The following LARGE1 variants were observed in gnomAD, a reference collection of about 807,000 sequenced individuals.
LARGE1 encodes xylosyl- and glucuronyltransferase LARGE1.
In LARGE1, 43 loss-of-function variants were observed where a neutral mutation model predicts 87.6. The ratio of observed to expected loss-of-function variants is 0.49; its 90% CI spans 0.38 to 0.63. LARGE1 has a LOEUF of 0.63. Ranked by LOEUF, LARGE1 falls within the 30% of genes least tolerant of loss-of-function variation. The pLI, the probability that LARGE1 is intolerant of heterozygous loss-of-function variation, is 0.00. For missense variants in LARGE1, 802 were observed against 1,000.2 expected, an observed-to-expected ratio of 0.80 and a Z score of 2.67; for synonymous variants, 434 against 394.6, an observed-to-expected ratio of 1.10 and a Z score of -1.18.
chr22:33,070,249 C>T, the LARGE1 span, among the ~76,000 whole-genome samples: 1 of 152,168 alleles, frequency 6.6e-6, no homozygotes, highest in Non-Finnish European at 1.5e-5. Flanking sequence ...TGGCACTGGG[C>T]CAGGGGTCTA....
At chr22:33,895,676 C>T (rs957666613) in intron 1 of LARGE1, among the ~76,000 whole-genome samples, 2 of 152,252 alleles carry the variant, frequency 1.3e-5, no homozygotes, top group African/African-American at 4.8e-5. Context: ...GCTCCCCCAA[C>T]ATGCCAACTT....
chr22:33,238,722 A>T (rs1381346017), intron 11 of LARGE1, among the ~76,000 whole-genome samples: 1 of 152,244 alleles, frequency 6.6e-6, no homozygotes, highest in East Asian at 1.9e-4. Flanking sequence ...CATCTTTATC[A>T]TTCATAGTTT....
intron 11 of LARGE1, among the ~76,000 whole-genome samples, chr22:33,209,268 CTT>C: frequency 6.6e-6 from 1 of 152,202 alleles, no homozygotes; most frequent in East Asian, 1.9e-4. Flanking sequence ...TTCTATAGCT[CTT>C]TTCCACCACC....
chr22:33,830,971 C>T (rs946333286), intron 1 of LARGE1, among the ~76,000 whole-genome samples: 1 of 152,168 alleles, frequency 6.6e-6, no homozygotes, highest in Non-Finnish European at 1.5e-5. Context: ...TAAACCATCA[C>T]CTTGAAAGTT....
intron 12 of LARGE1, among the ~76,000 whole-genome samples, chr22:33,301,736 C>T (rs903775872): frequency 2.0e-5 from 3 of 152,180 alleles, no homozygotes; most frequent in African/African-American, 7.2e-5. Context: ...CACATACCTT[C>T]CTGTGATAAG....
chr22:33,831,237 C>T (rs572606816), intron 1 of LARGE1, among the ~76,000 whole-genome samples: 7 of 151,884 alleles, frequency 4.6e-5, no homozygotes, highest in South Asian at 2.1e-4. Flanking sequence ...TGAGCCACTG[C>T]GACCGGCTCA....
At chr22:33,731,754 G>A (rs1441306336) in intron 2 of LARGE1, among the ~76,000 whole-genome samples, 2 of 152,194 alleles carry the variant, frequency 1.3e-5, no homozygotes, top group South Asian at 4.1e-4. Context: ...GCAGGAAACA[G>A]AGGTGATGGA....
intron 1 of LARGE1, among the ~76,000 whole-genome samples, chr22:33,765,613 G>A (rs2084875745): frequency 6.8e-6 from 1 of 146,756 alleles, no homozygotes; most frequent in Non-Finnish European, 1.5e-5. Context: ...GCTGAGGCAG[G>A]AGAATCGTTT....
intron 11 of LARGE1, among the ~76,000 whole-genome samples, chr22:33,249,580 C>T (rs951692467): frequency 1.3e-5 from 2 of 152,158 alleles, no homozygotes; most frequent in African/African-American, 4.8e-5. Flanking sequence ...TTCCACAGAT[C>T]GTGCCTTTGT....
chr22:33,213,960 C>T (rs181959518), intron 11 of LARGE1, among the ~76,000 whole-genome samples: 6 of 152,154 alleles, frequency 3.9e-5, no homozygotes, highest in Non-Finnish European at 8.8e-5. Context: ...TCCTGAGCAA[C>T]TGGGACTACA....
chr22:33,374,003 T>C (rs2064912965), intron 9 of LARGE1, among the ~76,000 whole-genome samples: 1 of 151,250 alleles, frequency 6.6e-6, no homozygotes, highest in Non-Finnish European at 1.5e-5. Context: ...AAAGTTTATC[T>C]TGAAGGCCTA....
chr22:33,593,226 A>G (rs955556379), intron 5 of LARGE1, among the ~76,000 whole-genome samples: 2 of 151,142 alleles, frequency 1.3e-5, no homozygotes, highest in Non-Finnish European at 2.9e-5. Flanking sequence ...TTTTCTTGGT[A>G]GAGACGGGGT....
intron 2 of LARGE1, among the ~76,000 whole-genome samples, chr22:33,760,620 T>C (rs238858): frequency 0.47 from 71,515 of 151,952 alleles, 17,529 homozygotes; most frequent in African/African-American, 0.62. Context: ...AGTGCAGGCA[T>C]CCAATAATAA....
intron 1 of LARGE1, among the ~76,000 whole-genome samples, chr22:33,900,061 C>T (rs183169870): frequency 7.7e-4 from 117 of 152,246 alleles, no homozygotes; most frequent in Non-Finnish European, 1.4e-3. Flanking sequence ...CCCAAGTGAA[C>T]CTCTGTTGAA....
At chr22:33,557,679 C>T (rs2077733031) in intron 6 of LARGE1, among the ~76,000 whole-genome samples, 1 of 152,158 alleles carries the variant, frequency 6.6e-6, no homozygotes. Context: ...AATTCTCCTG[C>T]CTCAGCCTCC....
chr22:33,400,273 T>C (rs1365301291), intron 7 of LARGE1, among the ~76,000 whole-genome samples: 1 of 152,182 alleles, frequency 6.6e-6, no homozygotes, highest in African/African-American at 2.4e-5. Flanking sequence ...GCAGGAACAA[T>C]ATACTGAGTA....
chr22:33,714,023 TAACATAAC>T (rs1236379977), intron 2 of LARGE1, among the ~76,000 whole-genome samples: 4 of 149,044 alleles, frequency 2.7e-5, no homozygotes, highest in Non-Finnish European at 4.5e-5. Flanking sequence ...TAACATAACA[TAACATAAC>T]ATAAAACAAA....
At chr22:33,203,083 C>CTG (rs1200016647) in intron 11 of LARGE1, among the ~76,000 whole-genome samples, 9 of 135,376 alleles carry the variant, frequency 6.6e-5, no homozygotes, top group African/African-American at 2.5e-4. Flanking sequence ...CTCTCTCTCT[C>CTG]TCTCTCTCTC....
intron 6 of LARGE1, among the ~76,000 whole-genome samples, chr22:33,488,489 C>T (rs2069684324): frequency 6.6e-6 from 1 of 152,130 alleles, no homozygotes. Context: ...TGAGGCTGTT[C>T]TCATTTTGGG....
Sources: gnomAD v4.1 joint callset for allele counts (sites outside exome capture counted in the v4.1 genomes callset) on GRCh38, gnomAD v4.1.1 for gene constraint, MANE v1.5 for transcripts, NCBI Gene and HGNC (gene_info 2026-07-23, HGNC 2026-07-21) for gene names.